Variants in PTPRD observed in about 807,000 individuals in gnomAD.
PTPRD encodes the protein receptor-type tyrosine-protein phosphatase delta.
PTPRD carries 34 observed loss-of-function variants against 214.5 expected under a neutral mutation model. That is an observed-to-expected ratio of 0.16 (90% CI 0.12 to 0.21). The LOEUF (loss-of-function observed/expected upper bound fraction) is 0.21. Among genes scored for constraint, PTPRD ranks in the 10% least tolerant of loss-of-function variants. The pLI is 1.00. For missense variants in PTPRD, 2,545 were observed against 2,398.7 expected (o/e 1.06, Z -1.27); for synonymous variants, 1,128 against 845.7 (o/e 1.33, Z -5.79).
chr9:8,915,364 T>C (rs74781213), intron 11 of PTPRD, among the ~76,000 whole-genome samples: 10 of 152,148 alleles, frequency 6.6e-5, no homozygotes, highest in East Asian at 1.9e-4. Flanking sequence ...GTGGTGACCA[T>C]TGAATTTAGG....
chr9:8,610,377 G>C (rs911930201), intron 14 of PTPRD, among the ~76,000 whole-genome samples: 2 of 152,160 alleles, frequency 1.3e-5, no homozygotes, highest in Admixed American at 6.6e-5. Flanking sequence ...GCACTGGAAA[G>C]CCTAGGGTTT....
chr9:10,234,388 A>T (rs970451894), intron 3 of PTPRD, among the ~76,000 whole-genome samples: 16 of 151,878 alleles, frequency 1.1e-4, no homozygotes, highest in Non-Finnish European at 1.9e-4. Flanking sequence ...CCCAAAAGTT[A>T]ATATTGTTTT....
At chr9:10,228,403 C>T (rs1017553667) in intron 3 of PTPRD, among the ~76,000 whole-genome samples, 1 of 152,002 alleles carries the variant, frequency 6.6e-6, no homozygotes, top group Non-Finnish European at 1.5e-5. Context: ...TAGCATTAGC[C>T]AGCCTTCAGG....
chr9:8,449,995 C>G, intron 33 of PTPRD, 158 bp from the exon 34 acceptor site: 2 of 666,212 alleles, frequency 3.0e-6, no homozygotes, highest in Non-Finnish European at 5.0e-6. Context: ...TTGCTTTTCC[C>G]CCCTGGCCTA....
chr9:8,660,524 T>C (rs548237427), intron 12 of PTPRD, among the ~76,000 whole-genome samples: 17 of 152,262 alleles, frequency 1.1e-4, no homozygotes, highest in African/African-American at 3.6e-4. Context: ...TATTGGTTAC[T>C]GATCTTTGGC....
At chr9:10,213,043 A>G (rs2099524367) in intron 3 of PTPRD, among the ~76,000 whole-genome samples, 1 of 152,196 alleles carries the variant, frequency 6.6e-6, no homozygotes, top group African/African-American at 2.4e-5. Flanking sequence ...TATTAAATGT[A>G]TAACAAAAAA....
chr9:9,868,819 T>G, intron 5 of PTPRD, among the ~76,000 whole-genome samples: 1 of 151,274 alleles, frequency 6.6e-6, no homozygotes, highest in Non-Finnish European at 1.5e-5. Flanking sequence ...ATTAAATCTC[T>G]CATCTACAAC....
chr9:8,790,075 G>A (rs1599850670), intron 11 of PTPRD, among the ~76,000 whole-genome samples: 1 of 152,000 alleles, frequency 6.6e-6, no homozygotes, highest in Non-Finnish European at 1.5e-5. Flanking sequence ...GAATTGCAGT[G>A]CTGCCATCAT....
At chr9:8,979,254 A>G (rs941734570) in intron 11 of PTPRD, among the ~76,000 whole-genome samples, 1 of 152,182 alleles carries the variant, frequency 6.6e-6, no homozygotes, top group Non-Finnish European at 1.5e-5. Flanking sequence ...TCTCTGAAGT[A>G]TTCCTAAAAA....
chr9:9,733,351 G>T (rs1384997700), intron 7 of PTPRD, among the ~76,000 whole-genome samples: 12 of 152,276 alleles, frequency 7.9e-5, no homozygotes, highest in African/African-American at 2.6e-4. Context: ...GGCTTTCTTA[G>T]TGATGAGATC....
chr9:9,276,587 C>A (rs767908519), intron 9 of PTPRD, among the ~76,000 whole-genome samples: 16 of 151,248 alleles, frequency 1.1e-4, no homozygotes, highest in Non-Finnish European at 1.9e-4. Flanking sequence ...CTCCTGTGAC[C>A]TCCATGAGAG....
At chr9:10,395,027 G>A (rs552331860) in intron 2 of PTPRD, among the ~76,000 whole-genome samples, 3 of 145,518 alleles carry the variant, frequency 2.1e-5, no homozygotes, top group African/African-American at 5.1e-5. Context: ...ATCAATAAAC[G>A]TGTGCTCTCC....
chr9:10,082,398 G>C (rs770442616), intron 3 of PTPRD, among the ~76,000 whole-genome samples: 3 of 152,062 alleles, frequency 2.0e-5, no homozygotes, highest in Admixed American at 6.6e-5. Context: ...AAGAGTTGCT[G>C]CTTTGACATT....
At chr9:9,597,886 T>C (rs1381046832) in intron 7 of PTPRD, among the ~76,000 whole-genome samples, 1 of 152,048 alleles carries the variant, frequency 6.6e-6, no homozygotes, top group East Asian at 1.9e-4. Flanking sequence ...TAAGCAGTGT[T>C]GATAAAAGAA....
At chr9:10,589,461 G>A (rs535588408) in intron 2 of PTPRD, among the ~76,000 whole-genome samples, 1 of 152,156 alleles carries the variant, frequency 6.6e-6, no homozygotes, top group East Asian at 1.9e-4. Flanking sequence ...GAGCTTATAA[G>A]TAAAACTGAA....
chr9:8,636,268 T>C (rs1241202265), intron 13 of PTPRD, among the ~76,000 whole-genome samples: 1 of 152,172 alleles, frequency 6.6e-6, no homozygotes, highest in African/African-American at 2.4e-5. Flanking sequence ...CAGAGGTAGA[T>C]TCTGATTGGC....
intron 7 of PTPRD, among the ~76,000 whole-genome samples, chr9:9,575,162 A>AACATGTAC (rs1330227538): frequency 9.2e-5 from 14 of 152,286 alleles, no homozygotes; most frequent in African/African-American, 3.4e-4. Context: ...TACATGTGCA[A>AACATGTAC]ACATGTACAC....
intron 2 of PTPRD, among the ~76,000 whole-genome samples, chr9:10,549,779 C>T (rs1332706393): frequency 6.6e-6 from 1 of 152,050 alleles, no homozygotes. Context: ...GGGAGTATTC[C>T]ACTGTACTTC....
intron 8 of PTPRD, among the ~76,000 whole-genome samples, chr9:9,546,047 A>G (rs1026561312): frequency 6.6e-6 from 1 of 151,804 alleles, no homozygotes; most frequent in African/African-American, 2.4e-5. Context: ...TTGGTAGCCA[A>G]TATACATGGT....
Sources: allele counts gnomAD v4.1 joint callset (sites outside exome capture counted in the v4.1 genomes callset), GRCh38; gene constraint gnomAD v4.1.1; transcripts MANE v1.5; gene names NCBI Gene and HGNC (gene_info 2026-07-23, HGNC 2026-07-21).